Variants in PALM2AKAP2 observed in about 807,000 individuals in gnomAD.
The protein encoded by PALM2AKAP2 is PALM2 and AKAP2 fusion.
PALM2AKAP2 carries 37 observed loss-of-function variants against 71.5 expected under a neutral mutation model. The observed-to-expected ratio is 0.52, with a 90% CI of 0.40 to 0.68. PALM2AKAP2 has a LOEUF of 0.68. Ranked by LOEUF, PALM2AKAP2 falls within the 30% of genes least tolerant of loss-of-function variation. PALM2AKAP2 has a pLI of 0.00. For missense variants in PALM2AKAP2, 1,224 were observed against 1,191.8 expected, an observed-to-expected ratio of 1.03 and a Z score of -0.40; for synonymous variants, 468 against 478.8, an observed-to-expected ratio of 0.98 and a Z score of 0.29.
chr9:109,960,412 G>C (rs1379727709), intron 6 of PALM2AKAP2, among the ~76,000 whole-genome samples: 1 of 152,190 alleles, frequency 6.6e-6, no homozygotes, highest in Admixed American at 6.5e-5. Context: ...CAGCACCTTT[G>C]ATCTCTGAAG....
intron 1 of PALM2AKAP2, among the ~76,000 whole-genome samples, chr9:110,113,829 G>A (rs1048550111): frequency 6.6e-6 from 1 of 152,066 alleles, no homozygotes; most frequent in African/African-American, 2.4e-5. Flanking sequence ...CACCATACCC[G>A]GCCCTGTCTA....
At chr9:109,989,688 G>T (rs1159058244) in intron 6 of PALM2AKAP2, among the ~76,000 whole-genome samples, 1 of 152,232 alleles carries the variant, frequency 6.6e-6, no homozygotes, top group Non-Finnish European at 1.5e-5. Context: ...AGCAAGCCCT[G>T]CCATGCTCCA....
At chr9:109,921,098 C>T (rs1367810134) in intron 3 of PALM2AKAP2, among the ~76,000 whole-genome samples, 1 of 152,214 alleles carries the variant, frequency 6.6e-6, no homozygotes, top group African/African-American at 2.4e-5. Flanking sequence ...TCCATAAATT[C>T]TCTTTGCGTC....
At chr9:109,744,417 A>G (rs1253305629) in intron 1 of PALM2AKAP2, among the ~76,000 whole-genome samples, 4 of 152,234 alleles carry the variant, frequency 2.6e-5, no homozygotes, top group Non-Finnish European at 5.9e-5. Context: ...AAAGAAAAAT[A>G]TCTTGCAGAT....
chr9:109,780,104 C>CG (rs1379325939), upstream of PALM2AKAP2, among the ~76,000 whole-genome samples: 1 of 151,108 alleles, frequency 6.6e-6, no homozygotes, highest in East Asian at 1.9e-4. Context: ...ACCGCGGCCT[C>CG]GGGTCCATCA....
Position 109,932,039 on chromosome 9 carries a change from G to T in PALM2AKAP2, c.496+11G>T. 1 of 1,610,018 alleles carries T rather than the reference G, an allele frequency of 6.2e-7. No individual in the cohort carries two copies. The highest frequency in any genetic ancestry group is 1.1e-5 in the South Asian group (1 of 90,604). ...CCAGCAGAGCGGCTGGTAAGTCCTG[G>T]GGACCTTTGGACGCTAGGATGGTCC... On this transcript the variant is annotated intron_variant, in intron 6 of 9. Coordinates refer to the PALM2AKAP2 transcript ENST00000302798.
chr9:109,893,999 C>T (rs979941924), intron 3 of PALM2AKAP2, among the ~76,000 whole-genome samples: 1 of 144,586 alleles, frequency 6.9e-6, no homozygotes, highest in Admixed American at 7.0e-5. Context: ...AAAAAGTTCA[C>T]TTTTCTGCTT....
Position 109,859,470 on chromosome 9 carries a change from G to A in PALM2AKAP2, c.46-8021G>A, listed in dbSNP as rs12375523. On this transcript the variant is annotated intron_variant, in intron 1 of 9. Coordinates refer to the PALM2AKAP2 transcript ENST00000302798. Reference sequence around the variant, plus strand: ...AAAGAAATGATAAATACACGAGATGGTGGATGTCCTGAACACCCTGGTTAT... The same window carrying A: ...AAAGAAATGATAAATACACGAGATGATGGATGTCCTGAACACCCTGGTTAT... Among the ~76,000 whole-genome samples the A allele has an allele frequency of 7.3e-3, 1,116 of 152,272 alleles. 4 individuals carry two copies. The highest frequency in any genetic ancestry group is 0.011 in the Non-Finnish European group (768 of 68,008).
intron 1 of PALM2AKAP2, among the ~76,000 whole-genome samples, chr9:110,050,211 G>A (rs573062763): frequency 1.3e-5 from 2 of 152,306 alleles, no homozygotes; most frequent in African/African-American, 4.8e-5. Flanking sequence ...CTTGGAATCT[G>A]TGAACAAGCC....
intron 6 of PALM2AKAP2, among the ~76,000 whole-genome samples, chr9:109,950,223 G>A (rs974892417): frequency 6.6e-6 from 1 of 151,956 alleles, no homozygotes; most frequent in Non-Finnish European, 1.5e-5. Context: ...AGCCCAGGAG[G>A]TGGAGGCTGC....
chr9:110,101,222 A>C (rs1425310346), intron 1 of PALM2AKAP2, among the ~76,000 whole-genome samples: 2 of 152,046 alleles, frequency 1.3e-5, no homozygotes, highest in East Asian at 3.9e-4. Context: ...AAAACTTGCC[A>C]AAACAGAAAT....
intron 1 of PALM2AKAP2, among the ~76,000 whole-genome samples, chr9:109,733,362 G>A (rs2118665074): frequency 6.6e-6 from 1 of 152,320 alleles, no homozygotes; most frequent in African/African-American, 2.4e-5. Context: ...GAATCTTCAA[G>A]AAATCTCACA....
chr9:109,765,530 GT>G (rs1829138063), intron 1 of PALM2AKAP2: 1 of 154,988 alleles, frequency 6.5e-6, no homozygotes, highest in Non-Finnish European at 1.4e-5. Flanking sequence ...GACATCTGTG[GT>G]TTTTAATAGT....
At chr9:109,693,892 A>G (rs1827931504) in intron 1 of PALM2AKAP2, among the ~76,000 whole-genome samples, 1 of 152,038 alleles carries the variant, frequency 6.6e-6, no homozygotes, top group Admixed American at 6.6e-5. Flanking sequence ...ATGAATATAC[A>G]TTCTACATTC....
intron 1 of PALM2AKAP2, among the ~76,000 whole-genome samples, chr9:109,671,247 T>A (rs1243591189): frequency 6.6e-6 from 1 of 152,218 alleles, no homozygotes. Context: ...GGGTTTTACA[T>A]TTGTCTTTAA....
At chr9:110,028,731 T>A (rs1833226648) in intron 7 of PALM2AKAP2, among the ~76,000 whole-genome samples, 1 of 152,162 alleles carries the variant, frequency 6.6e-6, no homozygotes, top group South Asian at 2.1e-4. Context: ...ATATTAGATG[T>A]CCAGTTCGAT....
chr9:109,916,507 C>T (rs186318768), intron 3 of PALM2AKAP2, among the ~76,000 whole-genome samples: 79 of 152,306 alleles, frequency 5.2e-4, no homozygotes, highest in Admixed American at 5.0e-3. Context: ...GGCTGTGACC[C>T]AAAAAGGCCA....
At chr9:109,694,766 T>A (rs1391925326) in intron 1 of PALM2AKAP2, among the ~76,000 whole-genome samples, 1 of 152,062 alleles carries the variant, frequency 6.6e-6, no homozygotes, top group East Asian at 1.9e-4. Flanking sequence ...TGGCCCTCCA[T>A]GTGTTCAAGT....
intron 5 of PALM2AKAP2, 130 bp downstream of exon 5, chr9:109,925,212 G>A: frequency 7.0e-7 from 1 of 1,420,594 alleles, no homozygotes; most frequent in Admixed American, 1.8e-5. Flanking sequence ...TAGCAGCGCT[G>A]GTTGCAGGCC....
Sources: gnomAD v4.1 joint callset for allele counts (sites outside exome capture counted in the v4.1 genomes callset) on GRCh38, gnomAD v4.1.1 for gene constraint, MANE v1.5 for transcripts, NCBI Gene and HGNC (gene_info 2026-07-23, HGNC 2026-07-21) for gene names.